The following ADH1A variants were observed in gnomAD, a reference collection of about 807,000 sequenced individuals.
ADH1A encodes the protein alcohol dehydrogenase 1A.
A neutral mutation model predicts 35.2 loss-of-function variants in ADH1A; 29 were observed. The ratio of observed to expected loss-of-function variants is 0.82; its 90% CI spans 0.61 to 1.12. The LOEUF is 1.12. ADH1A is among the 50% of genes most tolerant of loss of function. The pLI is 0.00. For missense variants in ADH1A, 469 were observed against 464.7 expected (o/e 1.01, Z -0.09); for synonymous variants, 147 against 164.8 (o/e 0.89, Z 0.83).
Position 99,284,613 on chromosome 4 carries a change from C to T in ADH1A, c.353G>A (p.Ser118Asn), listed in dbSNP as rs2110608467. ...ATCCTGCAGGGTCCCCTGAGGATTG[C>T]TTACACTGGACAGTGCAATACAAAG... ...ESNYCLKNDVSNPQGTLQDGT... is the reference protein window; with the variant it reads ...ESNYCLKNDVNNPQGTLQDGT... Residue 118 changes from serine to asparagine, a missense_variant, in exon 5 of 9, where the codon AGC becomes AAC. Ser to Asn is a conservative substitution (Grantham distance 46). Transcript: ENST00000209668. 6.2e-7 allele frequency: 1 copy of T among 1,614,222 alleles called. No homozygotes were observed.
intron 3 of ADH1A, among the ~76,000 whole-genome samples, chr4:99,285,505 T>C (rs1029506868): frequency 1.3e-5 from 2 of 152,132 alleles, no homozygotes; most frequent in Non-Finnish European, 2.9e-5. Flanking sequence ...GGAGGGAGCA[T>C]GGGTAAAAAG....
Position 99,279,485 on chromosome 4 carries a change from G to C in ADH1A, c.1044C>G (p.Thr348=), listed in dbSNP as rs148488169. The C allele has an allele frequency of 1.2e-6, 2 of 1,611,350 alleles. No homozygotes were observed. The highest frequency in any genetic ancestry group is 1.1e-5 in the South Asian group (1 of 90,164). Residue 348 remains threonine, a synonymous_variant, in exon 8 of 9, where the codon ACC becomes ACG. Transcript: ENST00000209668. The part of the protein sequence containing the change: ...AKKFSLDALI[T]HVLPFEKINE... Reference sequence around the variant, plus strand: ...TTATTTTTTCAAAAGGTAAAACATGGGTTATTAATGCATCCAATGAAAACT... The same window carrying C: ...TTATTTTTTCAAAAGGTAAAACATGCGTTATTAATGCATCCAATGAAAACT...
chr4:99,286,430 G>C (rs1043973009), intron 3 of ADH1A, among the ~76,000 whole-genome samples: 1 of 152,146 alleles, frequency 6.6e-6, no homozygotes, highest in Admixed American at 6.5e-5. Context: ...CGTCCATTTT[G>C]TGAACTCAGC....
chr4:99,284,925 A>G (rs946711439), intron 3 of ADH1A, 122 bp from the exon 4 acceptor site: 1 of 888,602 alleles, frequency 1.1e-6, no homozygotes, highest in Admixed American at 2.6e-5. Context: ...TCCAAGAAAT[A>G]CAGTCCAATC....
chr4:99,280,678 T>C (rs1470303738), intron 6 of ADH1A, among the ~76,000 whole-genome samples: 2 of 152,210 alleles, frequency 1.3e-5, no homozygotes, highest in Non-Finnish European at 2.9e-5. Context: ...AACCCATTAC[T>C]TTCAACCACA....
Position 99,289,413 on chromosome 4 carries a change from C to A in ADH1A, c.18+1484G>T, listed in dbSNP as rs187412244. 2.3e-3 allele frequency among the ~76,000 whole-genome samples: 343 copies of A among 152,280 alleles called. 4 individuals are homozygous for A. The highest frequency in any genetic ancestry group is 7.8e-3 in the African/African-American group (325 of 41,560). ...AATTTCTCTAAAGTCTCAAAGCTGGCTTTCCAGAGAATAAAGATGAATCTA... is the reference window on the plus strand; with the variant it reads ...AATTTCTCTAAAGTCTCAAAGCTGGATTTCCAGAGAATAAAGATGAATCTA... On this transcript the variant is annotated intron_variant, in intron 1 of 8. Coordinates refer to ENST00000209668, the MANE Select transcript of ADH1A (RefSeq NM_000667.4).
chr4:99,288,607 AT>A (rs1350593589), intron 1 of ADH1A: 7 of 152,150 alleles, frequency 4.6e-5, no homozygotes, highest in Admixed American at 2.6e-4. Flanking sequence ...TTCAATTGAA[AT>A]TTGTTCTTCT....
Position 99,279,580 on chromosome 4 carries a change from TA to T in ADH1A, c.965-17del. The T allele has an allele frequency of 6.2e-7, 1 of 1,603,770 alleles. No individual in the cohort carries two copies. The highest frequency in any genetic ancestry group is 8.5e-7 in the Non-Finnish European group (1 of 1,176,860). ...CTTTTAAAGCCTGAAAAGAAGATGG[TA>T]TCATTGTTAGATTCAACCAGGGTAA... On this transcript the variant is annotated splice_polypyrimidine_tract_variant and intron_variant, in intron 7 of 8. Coordinates refer to ENST00000209668, the MANE Select transcript of ADH1A (RefSeq NM_000667.4).
chr4:99,279,390 A>T, intron 8 of ADH1A, 36 bp downstream of exon 8: 1 of 1,573,088 alleles, frequency 6.4e-7, no homozygotes, highest in Middle Eastern at 1.7e-4. Context: ...TATGGTAGAA[A>T]AAAAAGCAAA....
chr4:99,277,413 A>G (rs1732897026), intron 8 of ADH1A, among the ~76,000 whole-genome samples: 1 of 152,050 alleles, frequency 6.6e-6, no homozygotes, highest in South Asian at 2.1e-4. Context: ...ATGAATAAAT[A>G]TTTTTAGAAA....
intron 3 of ADH1A, among the ~76,000 whole-genome samples, chr4:99,286,331 A>G (rs1421715448): frequency 2.6e-5 from 4 of 152,206 alleles, no homozygotes; most frequent in African/African-American, 9.6e-5. Context: ...TTGCTCAGGA[A>G]GAGAGACCAC....
chr4:99,284,062 A>G (rs1254738684), intron 5 of ADH1A, among the ~76,000 whole-genome samples: 1 of 152,174 alleles, frequency 6.6e-6, no homozygotes, highest in Non-Finnish European at 1.5e-5. Context: ...AGCAGAACCT[A>G]TGGTGCCTGA....
intron 1 of ADH1A, among the ~76,000 whole-genome samples, chr4:99,288,968 C>T (rs1733225510): frequency 6.6e-6 from 1 of 152,080 alleles, no homozygotes; most frequent in African/African-American, 2.4e-5. Flanking sequence ...CTCACCTCCC[C>T]TTTCAACCTT....
chr4:99,278,880 T>G (rs542675999), intron 8 of ADH1A, among the ~76,000 whole-genome samples: 32 of 152,244 alleles, frequency 2.1e-4, no homozygotes, highest in Non-Finnish European at 3.8e-4. Context: ...ATACTTCTCT[T>G]TTATAATAAC....
intron 5 of ADH1A, among the ~76,000 whole-genome samples, chr4:99,283,473 T>TTCATTCATTCATTC (rs1560517978): frequency 2.6e-5 from 4 of 151,582 alleles, no homozygotes; most frequent in African/African-American, 9.7e-5. Context: ...TAAGGGTGTC[T>TTCATTCATTCATTC]ATTCATTCAT....
At chr4:99,277,986 G>A (rs910649873) in intron 8 of ADH1A, among the ~76,000 whole-genome samples, 2 of 152,038 alleles carry the variant, frequency 1.3e-5, no homozygotes, top group Non-Finnish European at 2.9e-5. Flanking sequence ...CCAAAAGGAT[G>A]TATCAATTAC....
Position 99,279,448 on chromosome 4 carries a change from C to G in ADH1A, c.1081G>C (p.Asp361His). 6.2e-7 allele frequency: 1 copy of G among 1,606,648 alleles called. No individual in the cohort carries two copies. Among genetic ancestry groups the G allele is most frequent in the Non-Finnish European group, 8.5e-7 (1 of 1,177,866 alleles). The change falls in exon 8 of 9, where the codon GAC becomes CAC. Residue 361 changes from aspartate (D) to histidine (H), a missense_variant. Coordinates refer to ENST00000209668, the MANE Select transcript of ADH1A (RefSeq NM_000667.4). Reference protein sequence around the residue: ...LPFEKINEGFDLLHSGKSIRT... With the variant: ...LPFEKINEGFHLLHSGKSIRT... ...TACCTTTTCCCAGAGTGAAGCAGGT[C>G]AAATCCTTCATTTATTTTTTCAAAA... is the stretch of plus-strand genomic sequence containing the variant.
chr4:99,286,020 T>TC (rs1347367244), intron 3 of ADH1A, among the ~76,000 whole-genome samples: 1 of 31,396 alleles, frequency 3.2e-5, no homozygotes, highest in Admixed American at 4.3e-4. Flanking sequence ...AGACTCCGTC[T>TC]CAAAAAAAAA....
Position 99,280,139 on chromosome 4 carries a change from C to T in ADH1A, c.964+5G>A. ...AGAATTTGGCTCTGAAGCCTAACTA[C>T]ATACCACCAAGAATAGCTCCCTTCC... On this transcript the variant is annotated splice_donor_5th_base_variant and intron_variant, in intron 7 of 8. Transcript: ENST00000209668. 1 of 1,613,858 alleles carries T rather than the reference C, an allele frequency of 6.2e-7. No individual in the cohort carries two copies. Among genetic ancestry groups the T allele is most frequent in the Non-Finnish European group, 8.5e-7 (1 of 1,179,796 alleles).
Sources: gnomAD v4.1 joint callset for allele counts (sites outside exome capture counted in the v4.1 genomes callset) on GRCh38, gnomAD v4.1.1 for gene constraint, MANE v1.5 for transcripts, NCBI Gene and HGNC (gene_info 2026-07-23, HGNC 2026-07-21) for gene names.